Variants in ATP2C1 observed in about 807,000 individuals in gnomAD.
ATP2C1 encodes the protein ATPase secretory pathway Ca2+ transporting 1.
ATP2C1 carries 31 observed loss-of-function variants against 120.5 expected under a neutral mutation model. That is an observed-to-expected ratio of 0.26 (90% CI 0.19 to 0.35). ATP2C1 has a LOEUF of 0.35. ATP2C1 is among the 10% of genes least tolerant of loss of function. The pLI, the probability that ATP2C1 is intolerant of heterozygous loss-of-function variation, is 1.00. For synonymous variants in ATP2C1, 351 were observed against 358.7 expected, an observed-to-expected ratio of 0.98 and a Z score of 0.24; for missense variants, 731 against 1,107.5, an observed-to-expected ratio of 0.66 and a Z score of 4.83.
rs372653327 is a variant in ATP2C1, at chr3:130,999,231, G to A, written c.2488-287G>A. Among the ~76,000 whole-genome samples, 31 of 152,272 alleles carry A rather than the reference G, an allele frequency of 2.0e-4. 1 individual carries two copies. The South Asian group carries it at 6.2e-3, about 30-fold the overall frequency. ...CAAAATACAAATAAAGTTTCTTGATGTTTGGGATGTTAAAAGGTTTCTTTT... is the reference window on the plus strand; with the variant it reads ...CAAAATACAAATAAAGTTTCTTGATATTTGGGATGTTAAAAGGTTTCTTTT... On this transcript the variant is annotated intron_variant, in intron 26 of 27. Coordinates refer to ENST00000510168, the MANE Select transcript of ATP2C1 (RefSeq NM_001378687.1).
chr3:130,953,325 C>T (rs555530612), intron 8 of ATP2C1, among the ~76,000 whole-genome samples: 11 of 152,072 alleles, frequency 7.2e-5, no homozygotes, highest in African/African-American at 1.9e-4. Context: ...TTGGAATAAA[C>T]GGCATGTATA....
intron 2 of ATP2C1, among the ~76,000 whole-genome samples, chr3:130,903,961 A>G (rs2058001832): frequency 6.6e-6 from 1 of 152,054 alleles, no homozygotes; most frequent in Non-Finnish European, 1.5e-5. Flanking sequence ...TTTTTAATTT[A>G]ATGATCAAAA....
chr3:130,938,997 T>C (rs1355256238), intron 6 of ATP2C1, among the ~76,000 whole-genome samples: 2 of 152,258 alleles, frequency 1.3e-5, no homozygotes, highest in Admixed American at 6.5e-5. Context: ...TAAATATGTT[T>C]ATGATAGGTA....
chr3:130,998,143 T>C (rs532994146), intron 25 of ATP2C1, 151 bp from the exon 26 acceptor site: 1 of 672,078 alleles, frequency 1.5e-6, no homozygotes, highest in South Asian at 1.7e-5. Context: ...CTAGGTGATT[T>C]ATAGGAAATT....
At chr3:130,994,451 T>A (rs1323406952) in intron 22 of ATP2C1, among the ~76,000 whole-genome samples, 1 of 152,204 alleles carries the variant, frequency 6.6e-6, no homozygotes, top group South Asian at 2.1e-4. Context: ...ATAATAAATA[T>A]TGAAAATTAT....
intron 9 of ATP2C1, among the ~76,000 whole-genome samples, chr3:130,954,580 G>C (rs2060498123): frequency 6.6e-6 from 1 of 152,090 alleles, no homozygotes; most frequent in Non-Finnish European, 1.5e-5. Flanking sequence ...TCACCTTCCA[G>C]GTTCAAGTGA....
rs72628530 is a variant in ATP2C1, at chr3:130,949,324, C to T, written c.532-4497C>T. Among the ~76,000 whole-genome samples the T allele has an allele frequency of 0.012, 1,777 of 152,148 alleles. 136 individuals are homozygous for T. In the East Asian group the frequency reaches 0.21, roughly 18 times the overall value. The stretch of plus-strand genomic sequence containing the variant: ...GATATGAAGAAAGTTTGAAAGGTTT[C>T]GATAAAACATAAAAGCAGCCACAAT... On this transcript the variant is annotated intron_variant, in intron 8 of 27. Transcript: ENST00000510168.
chr3:130,911,911 T>C (rs1320210671), intron 2 of ATP2C1, among the ~76,000 whole-genome samples: 4 of 143,706 alleles, frequency 2.8e-5, no homozygotes, highest in African/African-American at 1.1e-4. Context: ...GAGATATAGA[T>C]CAATGGAACA....
chr3:130,975,568 T>G, intron 18 of ATP2C1, 80 bp downstream of exon 18: 1 of 1,473,276 alleles, frequency 6.8e-7, no homozygotes, highest in East Asian at 2.4e-5. Flanking sequence ...TGCTTCACAT[T>G]TGAGCTGTCC....
chr3:130,877,762 A>T (rs571815079), intron 1 of ATP2C1, among the ~76,000 whole-genome samples: 3 of 152,158 alleles, frequency 2.0e-5, no homozygotes, highest in Non-Finnish European at 4.4e-5. Flanking sequence ...TAGAAATATC[A>T]TTTGACCTAG....
At chr3:131,004,609 G>A (rs1374526502), downstream of ATP2C1, among the ~76,000 whole-genome samples, 1 of 152,240 alleles carries the variant, frequency 6.6e-6, no homozygotes, top group Non-Finnish European at 1.5e-5. Context: ...GGTAAATGCT[G>A]TCCAGAATGC....
intron 8 of ATP2C1, among the ~76,000 whole-genome samples, chr3:130,950,604 A>G (rs771569753): frequency 3.2e-4 from 48 of 152,186 alleles, no homozygotes; most frequent in Non-Finnish European, 3.1e-4. Flanking sequence ...GTGACTTAGA[A>G]AGTATTCGTA....
chr3:130,864,035 A>T (rs1316389040), intron 1 of ATP2C1, among the ~76,000 whole-genome samples: 4 of 152,168 alleles, frequency 2.6e-5, no homozygotes, highest in Admixed American at 2.6e-4. Flanking sequence ...CAGAGGTTGG[A>T]ACAGTTTGGA....
chr3:130,893,040 GGAT>G (rs919013763), upstream of ATP2C1, among the ~76,000 whole-genome samples: 1 of 152,172 alleles, frequency 6.6e-6, no homozygotes, highest in African/African-American at 2.4e-5. Context: ...GTTCTCTGTA[GGAT>G]GATCACCAAC....
chr3:130,913,153 G>A (rs2108145912), intron 2 of ATP2C1, among the ~76,000 whole-genome samples: 1 of 148,516 alleles, frequency 6.7e-6, no homozygotes, highest in South Asian at 2.2e-4. Context: ...GCTAGATGAC[G>A]AGTTAGTGGG....
chr3:130,934,283 C>A (rs1205635524), intron 4 of ATP2C1, among the ~76,000 whole-genome samples: 1 of 152,156 alleles, frequency 6.6e-6, no homozygotes, highest in East Asian at 1.9e-4. Context: ...TAAAAATCAT[C>A]TTCTCCTGCT....
At chr3:130,930,955 A>G (rs1451596677) in intron 3 of ATP2C1, among the ~76,000 whole-genome samples, 1 of 152,144 alleles carries the variant, frequency 6.6e-6, no homozygotes, top group Non-Finnish European at 1.5e-5. Context: ...TTTCTAAGGT[A>G]AAGTAAAAAC....
chr3:130,950,059 T>A (rs1012748567), intron 8 of ATP2C1, among the ~76,000 whole-genome samples: 5 of 152,162 alleles, frequency 3.3e-5, no homozygotes, highest in African/African-American at 1.2e-4. Flanking sequence ...TTAACCTGAA[T>A]TTTTAAAAGT....
At chr3:130,908,724 C>T (rs1457129043) in intron 2 of ATP2C1, among the ~76,000 whole-genome samples, 1 of 151,720 alleles carries the variant, frequency 6.6e-6, no homozygotes, top group Non-Finnish European at 1.5e-5. Flanking sequence ...TTGTTTTTTT[C>T]TGTCAGTTTG....
Sources: allele counts gnomAD v4.1 joint callset (sites outside exome capture counted in the v4.1 genomes callset), GRCh38; gene constraint gnomAD v4.1.1; transcripts MANE v1.5; gene names NCBI Gene and HGNC (gene_info 2026-07-23, HGNC 2026-07-21).